DIXDC1: variants seen among roughly 807,000 people sequenced by gnomAD.
DIXDC1 encodes the protein DIX domain containing 1, also known as dixin.
In DIXDC1, 64 loss-of-function variants were observed where a neutral mutation model predicts 103.1. The ratio of observed to expected loss-of-function variants is 0.62; its 90% CI spans 0.51 to 0.76. DIXDC1 has a LOEUF of 0.76. DIXDC1 is among the 30% of genes least tolerant of loss of function. DIXDC1 has a pLI of 0.00. For missense variants in DIXDC1, 759 were observed against 834.2 expected (o/e 0.91, Z 1.11); for synonymous variants, 266 against 298.5 (o/e 0.89, Z 1.12).
intron 10 of DIXDC1, among the ~76,000 whole-genome samples, chr11:111,990,402 T>C (rs1555174415): frequency 6.6e-6 from 1 of 152,126 alleles, no homozygotes; most frequent in Non-Finnish European, 1.5e-5. Context: ...CCTAGAGGCA[T>C]CTTAACAGTT....
chr11:111,996,246 A>G, intron 17 of DIXDC1, 100 bp downstream of exon 17: 1 of 1,022,504 alleles, frequency 9.8e-7, no homozygotes, highest in Non-Finnish European at 1.4e-6. Flanking sequence ...TTCTTGTAGT[A>G]CTTCACTTTT....
At chr11:111,947,518 C>T (rs1966637909) in intron 1 of DIXDC1, among the ~76,000 whole-genome samples, 1 of 152,190 alleles carries the variant, frequency 6.6e-6, no homozygotes, top group South Asian at 2.1e-4. Context: ...GTCCTTAAGT[C>T]AGTTTCTTCA....
Position 111,982,363 on chromosome 11 carries a change from G to A in DIXDC1, c.794G>A (p.Arg265Gln), listed in dbSNP as rs1472533384. Residue 265 changes from arginine (R) to glutamine (Q), a missense_variant, in exon 7 of 20, where the codon CGA becomes CAA. Around this residue, in one of 3 missense-constraint regions of DIXDC1, gnomAD observed 657 missense variants for 727.5 expected, o/e 0.90. Coordinates refer to ENST00000440460, the MANE Select transcript of DIXDC1 (RefSeq NM_001037954.4). ...GAAGGGACAGATTCTCCATTATCTC[G>A]AGACTGGCGGCCAGGGAGCCCTGGA... ...RTEGTDSPLS[R>Q]DWRPGSPGTY... 8 of 1,613,856 alleles carry A rather than the reference G, an allele frequency of 5.0e-6. No homozygotes were observed. Among genetic ancestry groups the A allele is most frequent in the African/African-American group, 4.0e-5 (3 of 75,016 alleles).
intron 19 of DIXDC1, among the ~76,000 whole-genome samples, chr11:112,018,472 T>G (rs1401227570): frequency 2.0e-5 from 3 of 152,260 alleles, no homozygotes; most frequent in Non-Finnish European, 4.4e-5. Context: ...AGTAAAATTT[T>G]ATTTTGTAAA....
upstream of DIXDC1, among the ~76,000 whole-genome samples, chr11:111,934,006 CAAGTAAAAATAG>C (rs1331396120): frequency 2.0e-5 from 3 of 152,212 alleles, no homozygotes; most frequent in African/African-American, 7.2e-5. Flanking sequence ...TTCATTCCTT[CAAGTAAAAATAG>C]ATTTACATTT....
At position 112,020,317 on chromosome 11, in the gene DIXDC1, G is replaced by C. The variant is rs1861719002; in HGVS notation, c.*1281G>C. The C allele has an allele frequency of 6.6e-6, 1 of 152,606 alleles. No individual in the cohort carries two copies. 9.5% of individuals were successfully genotyped at this position (152,606 alleles called of 1,614,324 possible). A position where few individuals can be genotyped will look rare whatever the true frequency, so the allele number is the denominator to read the frequency against. ...CTGCCTGTGACCTCCAATGTACACT[G>C]CCAAACACAAGAGTAGGACACATCT... is the stretch of plus-strand genomic sequence containing the variant. On this transcript the variant is annotated 3_prime_UTR_variant, in exon 20 of 20. Transcript: ENST00000440460.
At chr11:111,943,568 TG>T (rs1297125970) in intron 1 of DIXDC1, among the ~76,000 whole-genome samples, 6 of 148,816 alleles carry the variant, frequency 4.0e-5, no homozygotes, top group African/African-American at 1.5e-4. Flanking sequence ...GGCGCAATCT[TG>T]GCTCACTGCA....
intron 1 of DIXDC1, chr11:111,945,571 C>T (rs1462752678): frequency 6.6e-6 from 1 of 152,148 alleles, no homozygotes; most frequent in Non-Finnish European, 1.5e-5. Flanking sequence ...CTTTGCCTCT[C>T]TTGACCAAGA....
chr11:111,960,263 A>G (rs1309838360), intron 1 of DIXDC1, among the ~76,000 whole-genome samples: 1 of 151,584 alleles, frequency 6.6e-6, no homozygotes, highest in African/African-American at 2.4e-5. Flanking sequence ...TCTAGGGAGC[A>G]TCAGGTTCTA....
chr11:111,962,909 C>T (rs1309935672), intron 1 of DIXDC1, among the ~76,000 whole-genome samples: 1 of 152,186 alleles, frequency 6.6e-6, no homozygotes, highest in Non-Finnish European at 1.5e-5. Flanking sequence ...GACCTTGGAG[C>T]ATCACAGATC....
Position 111,994,881 on chromosome 11 carries a change from C to G in DIXDC1, c.1438-138C>G. On this transcript the variant is annotated intron_variant, in intron 14 of 19. Coordinates refer to ENST00000440460, the MANE Select transcript of DIXDC1 (RefSeq NM_001037954.4). ...AAAAAATCTATACTTAAGAAAGATA[C>G]ATTCTAATAAAGAGAGCCATTAAAC... The G allele has an allele frequency of 3.7e-6, 3 of 801,758 alleles. No homozygotes were observed. In the South Asian group the frequency reaches 5.6e-5, roughly 15 times the overall value. 49.7% of individuals were successfully genotyped at this position (801,758 alleles called of 1,614,324 possible).
At chr11:111,946,712 G>T in intron 1 of DIXDC1, 1 of 385,404 alleles carries the variant, frequency 2.6e-6, no homozygotes. Flanking sequence ...AGAACTTTAG[G>T]TGTCACAGCA....
chr11:112,013,638 A>G (rs985804455), intron 17 of DIXDC1, among the ~76,000 whole-genome samples: 1 of 152,056 alleles, frequency 6.6e-6, no homozygotes, highest in Non-Finnish European at 1.5e-5. Flanking sequence ...TATATACCCT[A>G]TGTTCAACTA....
intron 8 of DIXDC1, 71 bp downstream of exon 8, chr11:111,985,392 C>A: frequency 1.7e-6 from 2 of 1,174,922 alleles, no homozygotes; most frequent in Middle Eastern, 1.9e-4. Context: ...TTTGACACTG[C>A]TGTTCATGCC....
At chr11:111,929,710 A>G (rs144380638) in intron 1 of DIXDC1, 47 of 605,398 alleles carry the variant, frequency 7.8e-5, no homozygotes, top group Non-Finnish European at 4.8e-5. Flanking sequence ...AGATGACTTA[A>G]GTTGGTAGGT....
chr11:111,974,881 G>A lies in DIXDC1; in HGVS notation c.554G>A (p.Ser185Asn), dbSNP rs183479535. 5.6e-4 allele frequency: 909 copies of A among 1,613,426 alleles called. 8 individuals carry two copies. Among genetic ancestry groups the A allele is most frequent in the Non-Finnish European group, 1.7e-4 (202 of 1,179,688 alleles). ...CTGGGGTCCTTTGACTTTAGGAACA[G>A]CAGCATGGATGAGGAAATTGAGAAT... ...RDVFRYRQRN[S>N]SMDEEIENPY... Residue 185 changes from serine (S) to asparagine (N), a missense_variant, in exon 5 of 20, where the codon AGC (serine) becomes AAC (asparagine). Physicochemically the swap from Ser to Asn is conservative, Grantham distance 46 (BLOSUM62 1). Transcript: ENST00000440460.
chr11:111,943,689 A>G (rs1009205595), intron 1 of DIXDC1, among the ~76,000 whole-genome samples: 1 of 151,570 alleles, frequency 6.6e-6, no homozygotes, highest in East Asian at 1.9e-4. Flanking sequence ...TTCAGTAGAG[A>G]TGGGATTTCA....
chr11:112,018,226 C>G (rs1277195526), intron 19 of DIXDC1, among the ~76,000 whole-genome samples: 1 of 152,128 alleles, frequency 6.6e-6, no homozygotes. Flanking sequence ...CTATGTAGAG[C>G]AAAATAAACA....
intron 10 of DIXDC1, 75 bp from the exon 11 acceptor site, chr11:111,992,340 G>C (rs782458610): frequency 1.5e-6 from 2 of 1,307,030 alleles, no homozygotes; most frequent in Non-Finnish European, 1.1e-6. Flanking sequence ...CACATTAAAG[G>C]CTTTAGTAAT....
Sources: gnomAD v4.1 joint callset for allele counts (sites outside exome capture counted in the v4.1 genomes callset) on GRCh38, gnomAD v4.1.1 for gene constraint, gnomAD v4.1.1 regional missense constraint, MANE v1.5 for transcripts, NCBI Gene and HGNC (gene_info 2026-07-23, HGNC 2026-07-21) for gene names.